MRPL42: variants seen among roughly 807,000 people sequenced by gnomAD.
The protein encoded by MRPL42 is mitochondrial ribosomal protein L42.
In MRPL42, 17 loss-of-function variants were observed where a neutral mutation model predicts 17.9. The observed-to-expected ratio is 0.95, with a 90% confidence interval of 0.65 to 1.42. The LOEUF (loss-of-function observed/expected upper bound fraction) is 1.42, where lower values mean the gene tolerates loss of function less well. Among genes scored for constraint, MRPL42 ranks in the 40% most tolerant of loss-of-function variants. The pLI, the probability that MRPL42 is intolerant of heterozygous loss-of-function variation, is 0.00. For missense variants in MRPL42, 177 were observed against 175.2 expected, an observed-to-expected ratio of 1.01 and a Z score of -0.06; for synonymous variants, 59 against 54.4, an observed-to-expected ratio of 1.08 and a Z score of -0.37.
At chr12:93,475,893 A>G (rs1880146369) in intron 2 of MRPL42, among the ~76,000 whole-genome samples, 1 of 151,984 alleles carries the variant, frequency 6.6e-6, no homozygotes, top group Non-Finnish European at 1.5e-5. Context: ...AGGCAGGAGA[A>G]TGGCGTGAAC....
chr12:93,501,090 T>A lies in MRPL42; in HGVS notation c.384-86T>A, dbSNP rs1953586636. The A allele has an allele frequency of 8.4e-6, 9 of 1,066,620 alleles. 1 individual carries two copies. The South Asian group carries it at 1.5e-4, about 17-fold the overall frequency. 66.1% of individuals were successfully genotyped at this position (1,066,620 alleles called of 1,614,324 possible). The stretch of plus-strand genomic sequence containing the variant: ...TGATTTTTTAAAAAAATAGTTCCAA[T>A]AGCAAAATAATCATAGAAGTTAGAT... On this transcript the variant is annotated intron_variant, in intron 5 of 5. Transcript: ENST00000549982.
Position 93,512,889 on chromosome 12 carries a change from T to C in MRPL42, c.*11668T>C, listed in dbSNP as rs1356345984. On this transcript the variant is annotated 3_prime_UTR_variant, in exon 6 of 6. Transcript: ENST00000549982. ...AGCTTATATGATACATTGTTCTAACTGGCAACTAATGAAGGATTAAAAATG... is the reference window on the plus strand; with the variant it reads ...AGCTTATATGATACATTGTTCTAACCGGCAACTAATGAAGGATTAAAAATG... 1 of 152,258 alleles carries C rather than the reference T, an allele frequency of 6.6e-6. No individual in the cohort carries two copies. Among genetic ancestry groups the C allele is most frequent in the Non-Finnish European group, 1.5e-5 (1 of 68,046 alleles). The allele number at this position is 152,258 out of a possible 1,614,324, so 9.4% of individuals were successfully genotyped here. A position where few individuals can be genotyped will look rare whatever the true frequency, so the allele number is the denominator to read the frequency against.
chr12:93,484,105 C>A (rs1880593596), intron 4 of MRPL42, among the ~76,000 whole-genome samples: 1 of 152,090 alleles, frequency 6.6e-6, no homozygotes, highest in South Asian at 2.1e-4. Context: ...TCTGGAATAC[C>A]TCCTGAGGGG....
At chr12:93,497,862 T>C (rs1378296302) in intron 5 of MRPL42, among the ~76,000 whole-genome samples, 1 of 151,246 alleles carries the variant, frequency 6.6e-6, no homozygotes, top group East Asian at 1.9e-4. Context: ...TCAGAAACAC[T>C]CTAGGCCTAC....
chr12:93,510,546 A>C lies in MRPL42; in HGVS notation c.*9325A>C, dbSNP rs1953716654. Reference sequence around the variant, plus strand: ...AACTGTCCTACAGAGAGGCTGTACCATTTTGCATTCCCACCAGCAGTGAAT... The same window carrying C: ...AACTGTCCTACAGAGAGGCTGTACCCTTTTGCATTCCCACCAGCAGTGAAT... On this transcript the variant is annotated 3_prime_UTR_variant, in exon 6 of 6. Coordinates refer to ENST00000549982, the MANE Select transcript of MRPL42 (RefSeq NM_014050.4). The C allele has an allele frequency of 6.6e-6, 1 of 152,166 alleles. No homozygotes were observed. The highest frequency in any genetic ancestry group is 6.5e-5 in the Admixed American group (1 of 15,276). 9.4% of individuals were successfully genotyped at this position (152,166 alleles called of 1,614,324 possible).
chr12:93,494,533 C>T (rs1592784596), intron 5 of MRPL42, among the ~76,000 whole-genome samples: 1 of 152,164 alleles, frequency 6.6e-6, no homozygotes, highest in East Asian at 1.9e-4. Context: ...AGAGAGCAGG[C>T]TGCAGGAGAA....
chr12:93,481,889 T>G (rs73367730), intron 4 of MRPL42, among the ~76,000 whole-genome samples: 1,896 of 152,302 alleles, frequency 0.012, 45 homozygotes, highest in African/African-American at 0.043. Context: ...TCTCACACAT[T>G]CTCACTCCCT....
At chr12:93,484,589 C>T (rs2121216262) in intron 4 of MRPL42, among the ~76,000 whole-genome samples, 1 of 152,058 alleles carries the variant, frequency 6.6e-6, no homozygotes, top group African/African-American at 2.4e-5. Flanking sequence ...CATCACTGTA[C>T]ATTGTTGACT....
chr12:93,468,477 A>G (rs1030292432), intron 1 of MRPL42, among the ~76,000 whole-genome samples: 1 of 152,220 alleles, frequency 6.6e-6, no homozygotes, highest in African/African-American at 2.4e-5. Flanking sequence ...CCAATTTGGC[A>G]GTGACTGACT....
rs1215032854 is a variant in MRPL42 at position 93,503,598 on chromosome 12, G to A, written c.*2377G>A. The A allele has an allele frequency of 2.0e-5, 3 of 151,722 alleles. No homozygotes were observed. Among genetic ancestry groups the A allele is most frequent in the Non-Finnish European group, 4.4e-5 (3 of 68,000 alleles). 9.4% of individuals were successfully genotyped at this position (151,722 alleles called of 1,614,324 possible). A position where few individuals can be genotyped will look rare whatever the true frequency, so the allele number is the denominator to read the frequency against. ...GGGGTTTCGCCATGTTGCCCAGGCT[G>A]GTCTTGAACTCCTGGGCTCAAAGCG... On this transcript the variant is annotated 3_prime_UTR_variant, in exon 6 of 6. Coordinates refer to ENST00000549982, the MANE Select transcript of MRPL42 (RefSeq NM_014050.4).
intron 4 of MRPL42, among the ~76,000 whole-genome samples, chr12:93,485,910 G>C (rs1270819211): frequency 6.6e-6 from 1 of 152,086 alleles, no homozygotes; most frequent in Admixed American, 6.6e-5. Flanking sequence ...GGGCTCAAAA[G>C]ATCATCCTGC....
chr12:93,502,459 A>G lies in MRPL42; in HGVS notation c.*1238A>G, dbSNP rs181476858. The G allele has an allele frequency of 3.3e-5, 5 of 152,280 alleles. No homozygotes were observed. The East Asian group carries it at 7.7e-4, about 23-fold the overall frequency. 9.4% of individuals were successfully genotyped at this position (152,280 alleles called of 1,614,324 possible). On this transcript the variant is annotated 3_prime_UTR_variant, in exon 6 of 6. Coordinates refer to ENST00000549982, the MANE Select transcript of MRPL42 (RefSeq NM_014050.4). ...TATGAAAAATAATTTCTCAAAGTCTATTGTTTGATCTAGTTATTTTAATAA... is the reference window on the plus strand; with the variant it reads ...TATGAAAAATAATTTCTCAAAGTCTGTTGTTTGATCTAGTTATTTTAATAA...
At chr12:93,499,620 G>T (rs748672604) in intron 5 of MRPL42, among the ~76,000 whole-genome samples, 1 of 151,958 alleles carries the variant, frequency 6.6e-6, no homozygotes. Flanking sequence ...GAAAAAAACA[G>T]AATTTTCTGT....
At position 93,501,332 on chromosome 12, in the gene MRPL42, T is replaced by G; in HGVS notation, c.*111T>G. 1 of 617,390 alleles carries G rather than the reference T, an allele frequency of 1.6e-6. No homozygotes were observed. The highest frequency in any genetic ancestry group is 2.6e-6 in the Non-Finnish European group (1 of 391,046). The allele number at this position is 617,390 out of a possible 1,614,324, so 38.2% of individuals were successfully genotyped here. Reference sequence around the variant, plus strand: ...GTAAAGTAATAATGATAAAATATCTTTTCATATATTAGAATGTGTACTTTT... The same window carrying G: ...GTAAAGTAATAATGATAAAATATCTGTTCATATATTAGAATGTGTACTTTT... On this transcript the variant is annotated 3_prime_UTR_variant, in exon 6 of 6. Transcript: ENST00000549982.
chr12:93,487,024 C>T (rs1179446423), intron 4 of MRPL42, among the ~76,000 whole-genome samples: 1 of 151,968 alleles, frequency 6.6e-6, no homozygotes, highest in Non-Finnish European at 1.5e-5. Flanking sequence ...GGCTGGAGCA[C>T]AGTAGTGTGA....
intron 4 of MRPL42, among the ~76,000 whole-genome samples, chr12:93,484,563 A>C (rs1880614444): frequency 6.6e-6 from 1 of 152,050 alleles, no homozygotes; most frequent in Non-Finnish European, 1.5e-5. Context: ...GTACCACTGT[A>C]GTATACACTG....
In MRPL42 at chr12:93,476,725, A is replaced by T. The variant is rs367777484; in HGVS notation, c.71-229A>T. The stretch of plus-strand genomic sequence containing the variant: ...TTTGCCAATGTTTACCATTCCTAAC[A>T]GTGCTTATCCTCTATGTTGTAATTG... On this transcript the variant is annotated intron_variant, in intron 2 of 5. Coordinates refer to ENST00000549982, the MANE Select transcript of MRPL42 (RefSeq NM_014050.4). Among the ~76,000 whole-genome samples, 7 of 152,310 alleles carry T rather than the reference A, an allele frequency of 4.6e-5. No homozygotes were observed. The East Asian group carries it at 1.4e-3, about 29-fold the overall frequency.
At chr12:93,486,055 C>T (rs985581282) in intron 4 of MRPL42, among the ~76,000 whole-genome samples, 6 of 151,950 alleles carry the variant, frequency 3.9e-5, no homozygotes, top group African/African-American at 1.4e-4. Flanking sequence ...GTCTCAAACT[C>T]CTGGGCTCAA....
At position 93,514,941 on chromosome 12, in the gene MRPL42, G is replaced by C. The variant is rs1233434037; in HGVS notation, c.*13720G>C. On this transcript the variant is annotated 3_prime_UTR_variant, in exon 6 of 6. Transcript: ENST00000549982. Reference sequence around the variant, plus strand: ...AGCAGTCATGTCATCCTCTTGATTTGCATTGAGTCATCATTTCTTAAGAGG... The same window carrying C: ...AGCAGTCATGTCATCCTCTTGATTTCCATTGAGTCATCATTTCTTAAGAGG... 6.6e-6 allele frequency: 1 copy of C among 151,950 alleles called. No homozygotes were observed. Among genetic ancestry groups the C allele is most frequent in the African/African-American group, 2.4e-5 (1 of 41,364 alleles). 9.4% of individuals were successfully genotyped at this position (151,950 alleles called of 1,614,324 possible).
Sources: allele counts gnomAD v4.1 joint callset (sites outside exome capture counted in the v4.1 genomes callset), GRCh38; gene constraint gnomAD v4.1.1; transcripts MANE v1.5; gene names NCBI Gene and HGNC (gene_info 2026-07-23, HGNC 2026-07-21).